Variants in LRRC7 observed in about 807,000 individuals in gnomAD.
LRRC7 encodes leucine-rich repeat-containing protein 7.
A neutral mutation model predicts 175.7 loss-of-function variants in LRRC7; 23 were observed. That is an observed-to-expected ratio of 0.13 (90% CI 0.09 to 0.19). The LOEUF (loss-of-function observed/expected upper bound fraction) is 0.19, where lower values mean the gene tolerates loss of function less well. LRRC7 is among the 10% of genes least tolerant of loss of function. The pLI is 1.00. For missense variants in LRRC7, 1,354 were observed against 1,904.7 expected (o/e 0.71, Z 5.38); for synonymous variants, 685 against 680.9 (o/e 1.01, Z -0.09).
intron 1 of LRRC7, among the ~76,000 whole-genome samples, chr1:69,597,881 T>G (rs1234295024): frequency 6.6e-6 from 1 of 152,196 alleles, no homozygotes; most frequent in Non-Finnish European, 1.5e-5. Context: ...TTTGCACCTT[T>G]CCAAGTATTT....
chr1:69,894,721 T>A (rs370887295), intron 7 of LRRC7, among the ~76,000 whole-genome samples: 4 of 152,202 alleles, frequency 2.6e-5, no homozygotes, highest in African/African-American at 9.6e-5. Context: ...GAAGACATTA[T>A]GTTAACTAAA....
rs1659695421 is a variant in LRRC7 at position 70,039,707 on chromosome 1, G to C, written c.3883G>C (p.Val1295Leu). 6.2e-7 allele frequency: 1 copy of C among 1,614,130 alleles called. No individual in the cohort carries two copies. The highest frequency in any genetic ancestry group is 8.5e-7 in the Non-Finnish European group (1 of 1,179,984). Reference protein sequence around the residue: ...NSDLKTRPTPVKGEESCGKMP... With the variant: ...NSDLKTRPTPLKGEESCGKMP... ...TGATTTAAAGACGAGGCCTACTCCT[G>C]TGAAGGGAGAGGAGAGCTGTGGTAA... Residue 1295 changes from valine (V) to leucine (L), a missense_variant, in exon 21 of 27, where the codon GTG (valine) becomes CTG (leucine). By Grantham distance (32) the Val-to-Leu change is conservative (BLOSUM62 1). Transcript: ENST00000651989.
intron 26 of LRRC7, among the ~76,000 whole-genome samples, chr1:70,117,158 C>A (rs1038546892): frequency 6.6e-6 from 1 of 152,088 alleles, no homozygotes; most frequent in Non-Finnish European, 1.5e-5. Context: ...AAGCTGATTT[C>A]TTTTTTTGGA....
intron 18 of LRRC7, among the ~76,000 whole-genome samples, chr1:70,029,081 G>C (rs1658431587): frequency 6.6e-6 from 1 of 152,098 alleles, no homozygotes; most frequent in Non-Finnish European, 1.5e-5. Context: ...CCAAAATCTA[G>C]AGTGGCAAAA....
At chr1:69,750,137 G>A (rs1570618881) in intron 2 of LRRC7, among the ~76,000 whole-genome samples, 1 of 151,370 alleles carries the variant, frequency 6.6e-6, no homozygotes, top group South Asian at 2.1e-4. Flanking sequence ...TGAATGTCAA[G>A]CTAAAGAATC....
chr1:69,576,688 T>C (rs1425701907), intron 1 of LRRC7, among the ~76,000 whole-genome samples: 1 of 152,218 alleles, frequency 6.6e-6, no homozygotes, highest in African/African-American at 2.4e-5. Context: ...AATTAATGCA[T>C]CACATATCAG....
At chr1:69,935,147 G>A (rs1647867553) in intron 8 of LRRC7, among the ~76,000 whole-genome samples, 1 of 152,166 alleles carries the variant, frequency 6.6e-6, no homozygotes, top group Non-Finnish European at 1.5e-5. Context: ...TAGCAGGGAA[G>A]GAAGGCAGGG....
chr1:69,578,222 C>A (rs931453082), intron 1 of LRRC7, among the ~76,000 whole-genome samples: 5 of 151,048 alleles, frequency 3.3e-5, no homozygotes, highest in African/African-American at 1.2e-4. Flanking sequence ...CAGAGAAATG[C>A]AAATCAAAAC....
intron 2 of LRRC7, among the ~76,000 whole-genome samples, chr1:69,728,012 G>T (rs1285125794): frequency 6.6e-6 from 1 of 152,078 alleles, no homozygotes; most frequent in Non-Finnish European, 1.5e-5. Context: ...TTCCCTGCAG[G>T]TGCTTAATTC....
At position 70,078,810 on chromosome 1, in the gene LRRC7, GCA is replaced by G. The variant is rs374404537; in HGVS notation, c.4452+2524_4452+2525del. Among the ~76,000 whole-genome samples, 40 of 141,290 alleles carry G rather than the reference GCA, an allele frequency of 2.8e-4. 2 individuals are homozygous for G. The highest frequency in any genetic ancestry group is 2.3e-3 in the East Asian group (10 of 4,384). 92.7% of individuals were successfully genotyped at this position (141,290 alleles called of 152,430 possible). A position where few individuals can be genotyped will look rare whatever the true frequency, so the allele number is the denominator to read the frequency against. On this transcript the variant is annotated intron_variant, in intron 24 of 26. Coordinates refer to ENST00000651989, the MANE Select transcript of LRRC7 (RefSeq NM_001370785.2). ...TACATATACGCGCGCGCGCGCGCGC[GCA>G]CACACACACACGCACACACACACAC...
chr1:69,666,168 T>C (rs1307079684), intron 1 of LRRC7, among the ~76,000 whole-genome samples: 2 of 152,190 alleles, frequency 1.3e-5, no homozygotes, highest in African/African-American at 4.8e-5. Context: ...ATCCCTGGGA[T>C]AAATCCCACT....
intron 8 of LRRC7, among the ~76,000 whole-genome samples, chr1:69,966,053 G>C (rs1359356605): frequency 6.6e-6 from 1 of 151,996 alleles, no homozygotes; most frequent in Non-Finnish European, 1.5e-5. Flanking sequence ...AACAAAGATA[G>C]TAAAATTAAA....
chr1:69,840,572 C>T (rs551844232), intron 7 of LRRC7, among the ~76,000 whole-genome samples: 14 of 152,130 alleles, frequency 9.2e-5, no homozygotes, highest in African/African-American at 2.9e-4. Flanking sequence ...CATAATATAA[C>T]ATACATGAAG....
chr1:69,929,914 G>C (rs565768011), intron 7 of LRRC7, among the ~76,000 whole-genome samples: 5 of 151,868 alleles, frequency 3.3e-5, no homozygotes, highest in African/African-American at 1.2e-4. Context: ...TAGCCATACT[G>C]GTCTGCTAGG....
chr1:69,671,570 T>C (rs1659082910), intron 1 of LRRC7, among the ~76,000 whole-genome samples: 1 of 152,148 alleles, frequency 6.6e-6, no homozygotes, highest in East Asian at 1.9e-4. Context: ...GTCCTAGGAC[T>C]TACCTTAGAG....
chr1:69,686,773 G>A (rs1271718098), intron 2 of LRRC7, among the ~76,000 whole-genome samples: 1 of 152,074 alleles, frequency 6.6e-6, no homozygotes, highest in Non-Finnish European at 1.5e-5. Context: ...TACATTAAGT[G>A]TAAATGGTGT....
At chr1:69,846,401 A>G (rs887535566) in intron 7 of LRRC7, among the ~76,000 whole-genome samples, 7 of 152,126 alleles carry the variant, frequency 4.6e-5, no homozygotes, top group South Asian at 2.1e-4. Flanking sequence ...TTTTCAGACT[A>G]CTTCAAACAA....
chr1:69,687,724 C>G (rs779800459), intron 2 of LRRC7, among the ~76,000 whole-genome samples: 3 of 150,946 alleles, frequency 2.0e-5, no homozygotes, highest in African/African-American at 7.3e-5. Context: ...TTTTTTTTAC[C>G]CTTCTAACAG....
In LRRC7 at chr1:70,139,361, C is replaced by T. The variant is rs1300277117; in HGVS notation, c.*17474C>T. On this transcript the variant is annotated 3_prime_UTR_variant, in exon 27 of 27. Transcript: ENST00000651989. ...AACTCTAACAAATAGATCCAGAAGT[C>T]ATAAGTGAGAAAGAAAACAAGCATG... 6.6e-6 allele frequency: 1 copy of T among 152,132 alleles called. No individual in the cohort carries two copies. Among genetic ancestry groups the T allele is most frequent in the African/African-American group, 2.4e-5 (1 of 41,428 alleles). 9.4% of individuals were successfully genotyped at this position (152,132 alleles called of 1,614,324 possible).
Sources: gnomAD v4.1 joint callset for allele counts (sites outside exome capture counted in the v4.1 genomes callset) on GRCh38, gnomAD v4.1.1 for gene constraint, MANE v1.5 for transcripts, NCBI Gene and HGNC (gene_info 2026-07-23, HGNC 2026-07-21) for gene names.